Variants in CRACD observed in about 807,000 individuals in gnomAD.
CRACD encodes the protein capping protein-inhibiting regulator of actin dynamics.
A neutral mutation model predicts 106.8 loss-of-function variants in CRACD; 56 were observed. The observed-to-expected ratio is 0.52, with a 90% CI of 0.42 to 0.66. CRACD has a LOEUF of 0.66. CRACD is among the 30% of genes least tolerant of loss of function. CRACD has a pLI of 0.00. For synonymous variants in CRACD, 754 were observed against 670.8 expected (o/e 1.12, Z -1.92); for missense variants, 1,730 against 1,623.2 (o/e 1.07, Z -1.13).
chr4:56,154,423 G>A (rs1430111728), intron 1 of CRACD, among the ~76,000 whole-genome samples: 4 of 152,040 alleles, frequency 2.6e-5, no homozygotes, highest in Admixed American at 6.6e-5. Flanking sequence ...CCAAGATCAC[G>A]CCGTTGCACT....
At chr4:56,275,298 A>G (rs1478764775) in intron 3 of CRACD, among the ~76,000 whole-genome samples, 1 of 152,128 alleles carries the variant, frequency 6.6e-6, no homozygotes, top group Admixed American at 6.6e-5. Context: ...AAAAATTAGG[A>G]TAGAAACACA....
intron 1 of CRACD, among the ~76,000 whole-genome samples, chr4:56,086,873 A>G (rs999381373): frequency 1.3e-5 from 2 of 152,154 alleles, no homozygotes; most frequent in Admixed American, 1.3e-4. Flanking sequence ...AGGCAGGCAC[A>G]TCTGAGAAAG....
Position 56,175,975 on chromosome 4 carries a change from G to A in CRACD, c.-335-3309G>A, listed in dbSNP as rs147129118. Among the ~76,000 whole-genome samples the A allele has an allele frequency of 1.8e-4, 28 of 152,116 alleles. No homozygotes were observed. The East Asian group carries it at 5.2e-3, about 28-fold the overall frequency. ...TGTTTGTATATGGTGAGATATAGAG[G>A]TCTGGTTTTAGTCTGTATATGGATA... On this transcript the variant is annotated intron_variant, in intron 1 of 10. Transcript: ENST00000682029.
chr4:56,314,725 G>T lies in CRACD; in HGVS notation c.1223G>T (p.Gly408Val), dbSNP rs764408173. The change falls in exon 8 of 11, where the codon GGC (glycine) becomes GTC (valine). Residue 408 changes from glycine (G) to valine (V), a missense_variant. Gly to Val is a moderately radical substitution (Grantham distance 109). This residue lies in a region of CRACD where 1,620 missense variants were observed against 1,481.6 expected (regional missense o/e 1.09). Coordinates refer to ENST00000682029, the MANE Select transcript of CRACD (RefSeq NM_001393381.1). This position sits in a 1 kb window ranked among gnomAD's most constrained non-coding sequence, Gnocchi z 4.4. ...EEDLGEEEEE[G>V]QAHLEDWRGQ... ...GATCTGGGGGAAGAGGAGGAGGAGGGCCAGGCGCACCTGGAGGACTGGAGG... is the reference window on the plus strand; with the variant it reads ...GATCTGGGGGAAGAGGAGGAGGAGGTCCAGGCGCACCTGGAGGACTGGAGG... 6.4e-7 allele frequency: 1 copy of T among 1,569,856 alleles called. No individual in the cohort carries two copies. The highest frequency in any genetic ancestry group is 2.3e-5 in the East Asian group (1 of 43,388).
At chr4:56,247,771 A>G (rs13115456) in intron 2 of CRACD, among the ~76,000 whole-genome samples, 113,734 of 151,794 alleles carry the variant, frequency 0.75, 42,633 homozygotes, top group Middle Eastern at 0.85. Flanking sequence ...ACATGAATCC[A>G]GGAGGGGGAC....
At chr4:56,253,283 T>C (rs1379254889) in intron 2 of CRACD, among the ~76,000 whole-genome samples, 1 of 152,178 alleles carries the variant, frequency 6.6e-6, no homozygotes, top group Non-Finnish European at 1.5e-5. Context: ...GGAGAAAATA[T>C]AATGCATATA....
chr4:56,296,579 G>C (rs1333669057), intron 3 of CRACD, among the ~76,000 whole-genome samples: 1 of 152,132 alleles, frequency 6.6e-6, no homozygotes, highest in Admixed American at 6.5e-5. Flanking sequence ...CTGTAATTCA[G>C]TTCGGAGGCA....
intron 2 of CRACD, among the ~76,000 whole-genome samples, chr4:56,228,626 A>G (rs899295324): frequency 7.0e-6 from 1 of 143,640 alleles, no homozygotes. Context: ...AAAAAAAAAA[A>G]AGAATTCCAG....
chr4:56,291,359 C>T (rs1236622811), intron 3 of CRACD, among the ~76,000 whole-genome samples: 1 of 152,162 alleles, frequency 6.6e-6, no homozygotes, highest in Non-Finnish European at 1.5e-5. Context: ...AATTGCCTCT[C>T]CACCTCCCAA....
intron 2 of CRACD, among the ~76,000 whole-genome samples, chr4:56,208,932 A>C (rs1156257658): frequency 6.6e-6 from 1 of 152,230 alleles, no homozygotes. Context: ...TTTCCAAACA[A>C]TCTAAAGACC....
intron 1 of CRACD, among the ~76,000 whole-genome samples, chr4:56,171,141 G>A (rs555162379): frequency 6.6e-6 from 1 of 152,180 alleles, no homozygotes; most frequent in African/African-American, 2.4e-5. Flanking sequence ...GACAGAGATC[G>A]TCTTAGAAAG....
rs76420642 is a variant in CRACD, at chr4:56,324,347, G to A, written c.3541+81G>A. ...CGTGCTTTATATCCTACAGTGTAATGACTAGCAGAGCACCTCAGGCATTTC... is the reference window on the plus strand; with the variant it reads ...CGTGCTTTATATCCTACAGTGTAATAACTAGCAGAGCACCTCAGGCATTTC... On this transcript the variant is annotated intron_variant, in intron 10 of 10. Coordinates refer to ENST00000682029, the MANE Select transcript of CRACD (RefSeq NM_001393381.1). 2.0e-3 allele frequency: 2,683 copies of A among 1,323,096 alleles called. 44 individuals are homozygous for A. In the African/African-American group the frequency reaches 0.034, roughly 17 times the overall value. 82.0% of individuals were successfully genotyped at this position (1,323,096 alleles called of 1,614,324 possible). A position where few individuals can be genotyped will look rare whatever the true frequency, so the allele number is the denominator to read the frequency against.
Position 56,327,803 on chromosome 4 carries a change from A to G in CRACD, c.3701A>G (p.Ter1234=). 4 of 1,613,636 alleles carry G rather than the reference A, an allele frequency of 2.5e-6. No homozygotes were observed. Among genetic ancestry groups the G allele is most frequent in the Non-Finnish European group, 3.4e-6 (4 of 1,179,682 alleles). Residue 1234 remains the stop codon, a stop_retained_variant, in exon 11 of 11, where the codon TAA becomes TGA. Transcript: ENST00000682029. The part of the protein sequence containing the change: ...AWSDCPQIIK[*] ...AGCGACTGTCCACAGATTATTAAGT[A>G]AAGAGTGACTCTCACCCATCCCTAC... is the stretch of plus-strand genomic sequence containing the variant.
intron 1 of CRACD, among the ~76,000 whole-genome samples, chr4:56,136,142 A>C (rs1469779410): frequency 6.6e-6 from 1 of 151,962 alleles, no homozygotes; most frequent in Admixed American, 6.6e-5. Context: ...TTATATGGCT[A>C]TACCATTTTG....
At chr4:56,270,164 A>G (rs1414400090) in intron 2 of CRACD, among the ~76,000 whole-genome samples, 1 of 151,100 alleles carries the variant, frequency 6.6e-6, no homozygotes, top group Non-Finnish European at 1.5e-5. Context: ...TCAGCACCTT[A>G]TGCCGCTGCT....
intron 1 of CRACD, among the ~76,000 whole-genome samples, chr4:56,166,036 TG>T (rs1438346248): frequency 6.6e-6 from 1 of 152,090 alleles, no homozygotes; most frequent in African/African-American, 2.4e-5. Flanking sequence ...AATAAAAAAA[TG>T]TTTTTTTGTA....
chr4:56,136,227 G>C (rs1350831974), intron 1 of CRACD, among the ~76,000 whole-genome samples: 2 of 152,132 alleles, frequency 1.3e-5, no homozygotes, highest in African/African-American at 4.8e-5. Context: ...AAACATTCAT[G>C]TACAAGTCTT....
chr4:56,140,447 T>A (rs1012891214), intron 1 of CRACD, among the ~76,000 whole-genome samples: 12 of 152,238 alleles, frequency 7.9e-5, no homozygotes, highest in African/African-American at 2.4e-4. Context: ...TTTAATAACT[T>A]CTTTCTCTCA....
intron 1 of CRACD, among the ~76,000 whole-genome samples, chr4:56,115,990 GCCAGTTAGTGT>G (rs1734261894): frequency 6.6e-6 from 1 of 152,160 alleles, no homozygotes; most frequent in Non-Finnish European, 1.5e-5. Flanking sequence ...TTGTCTTCTT[GCCAGTTAGTGT>G]TAGGTGTTTG....
Sources: gnomAD v4.1 joint callset for allele counts (sites outside exome capture counted in the v4.1 genomes callset) on GRCh38, gnomAD v4.1.1 for gene constraint, gnomAD v4.1.1 regional missense constraint, Gnocchi (gnomAD v3.1) non-coding constraint, MANE v1.5 for transcripts, NCBI Gene and HGNC (gene_info 2026-07-23, HGNC 2026-07-21) for gene names.